UACA: variants seen among roughly 807,000 people sequenced by gnomAD.
The protein encoded by UACA is nuclear membrane binding protein.
UACA carries 112 observed loss-of-function variants against 160.5 expected under a neutral mutation model. That is an observed-to-expected ratio of 0.70 (90% CI 0.60 to 0.82). UACA has a LOEUF of 0.82. Among genes scored for constraint, UACA ranks in the 40% least tolerant of loss-of-function variants. The probability of loss-of-function intolerance (pLI) is 0.00; values close to 1 mark genes in which losing one functional copy is unlikely to be tolerated. For synonymous variants in UACA, 557 were observed against 568.4 expected, an observed-to-expected ratio of 0.98 and a Z score of 0.29; for missense variants, 1,574 against 1,614.6, an observed-to-expected ratio of 0.97 and a Z score of 0.43.
chr15:70,748,686 TC>T (rs1873427455), intron 1 of UACA, among the ~76,000 whole-genome samples: 1 of 152,176 alleles, frequency 6.6e-6, no homozygotes. Context: ...GAGATGCTCA[TC>T]ATAGAAATGC....
chr15:70,705,895 G>A (rs1160202113), intron 1 of UACA, among the ~76,000 whole-genome samples: 1 of 152,092 alleles, frequency 6.6e-6, no homozygotes, highest in Non-Finnish European at 1.5e-5. Flanking sequence ...ATAGTAAACT[G>A]AGATTTCTGA....
chr15:70,664,530 G>A (rs1026735388), intron 17 of UACA, 132 bp downstream of exon 17: 4 of 1,130,598 alleles, frequency 3.5e-6, no homozygotes, highest in East Asian at 2.7e-5. Flanking sequence ...GTAACTTTTC[G>A]CATATAAAAA....
At chr15:70,678,915 C>T (rs1897380954) in intron 10 of UACA, among the ~76,000 whole-genome samples, 5 of 152,054 alleles carry the variant, frequency 3.3e-5, no homozygotes. Context: ...ATTTTTAATA[C>T]TATAATTTTC....
chr15:70,716,671 C>A (rs1427469928), intron 1 of UACA, among the ~76,000 whole-genome samples: 1 of 151,966 alleles, frequency 6.6e-6, no homozygotes, highest in African/African-American at 2.4e-5. Context: ...GAGCTGGGAA[C>A]AGAAATGTCT....
At position 70,678,202 on chromosome 15, in the gene UACA, A is replaced by G; in HGVS notation, c.896T>C (p.Leu299Ser). The G allele has an allele frequency of 6.2e-7, 1 of 1,601,674 alleles. No homozygotes were observed. The highest frequency in any genetic ancestry group is 8.5e-7 in the Non-Finnish European group (1 of 1,175,714). Residue 299 changes from leucine to serine, a missense_variant, in exon 11 of 19, where the codon TTG becomes TCG. Coordinates refer to ENST00000322954, the MANE Select transcript of UACA (RefSeq NM_018003.4). Reference protein sequence around the residue: ...HQREHQNIQDLEIENEDLKER... With the variant: ...HQREHQNIQDSEIENEDLKER... ...TTTCAAATCTTCATTTTCAATCTCC[A>G]AATCCTTAAATAATAAAGACAACAA...
intron 18 of UACA, among the ~76,000 whole-genome samples, chr15:70,659,395 G>GTTTTTTTTTTTTTTTGTT (rs1896608707): frequency 5.3e-5 from 1 of 18,818 alleles, no homozygotes. Flanking sequence ...TTTTTTGTTT[G>GTTTTTTTTTTTTTTTGTT]TTTTTTTTTT....
chr15:70,679,874 T>A (rs925994241), intron 9 of UACA, 198 bp from the exon 10 acceptor site: 2 of 315,006 alleles, frequency 6.3e-6, no homozygotes, highest in Admixed American at 9.8e-5. Context: ...ATAAATCAAG[T>A]ATAACTTATT....
intron 1 of UACA, among the ~76,000 whole-genome samples, chr15:70,749,698 CAAAAAAAAAAAAA>C (rs11292883): frequency 2.9e-5 from 2 of 70,056 alleles, no homozygotes; most frequent in Admixed American, 3.7e-4. Context: ...GACTCCGTCT[CAAAAAAAAAAAAA>C]AAAAAAAAAA....
intron 8 of UACA, among the ~76,000 whole-genome samples, chr15:70,683,094 AC>A (rs1897570727): frequency 6.6e-6 from 1 of 152,020 alleles, no homozygotes. Context: ...GGTGGCTCAC[AC>A]CTGTAATCCC....
chr15:70,771,654 A>G, the UACA span, among the ~76,000 whole-genome samples: 1 of 152,220 alleles, frequency 6.6e-6, no homozygotes, highest in Non-Finnish European at 1.5e-5. Flanking sequence ...AAAAAGGGTA[A>G]TGTGCTAGAG....
At chr15:70,662,198 G>A (rs192965686) in intron 17 of UACA, among the ~76,000 whole-genome samples, 5,811 of 152,224 alleles carry the variant, frequency 0.038, 177 homozygotes, top group Non-Finnish European at 0.061. Flanking sequence ...AAAATCACAA[G>A]CATTCTTATA....
At chr15:70,696,876 C>T (rs2140961170) in intron 2 of UACA, among the ~76,000 whole-genome samples, 1 of 152,014 alleles carries the variant, frequency 6.6e-6, no homozygotes, top group Middle Eastern at 3.4e-3. Flanking sequence ...CAAAAGAGGT[C>T]AACATTATAA....
chr15:70,729,872 G>C (rs1899267670), intron 1 of UACA, among the ~76,000 whole-genome samples: 1 of 118,604 alleles, frequency 8.4e-6, no homozygotes. Flanking sequence ...GCACCCCCCA[G>C]CAGGGGCACA....
intron 15 of UACA, among the ~76,000 whole-genome samples, 154 bp downstream of exon 15, chr15:70,670,885 A>C (rs1387167343): frequency 2.0e-5 from 3 of 152,118 alleles, no homozygotes; most frequent in Non-Finnish European, 4.4e-5. Flanking sequence ...GTTTTTATTA[A>C]ACTCAAGAAA....
intron 15 of UACA, among the ~76,000 whole-genome samples, chr15:70,669,923 T>G (rs1897077513): frequency 6.6e-6 from 1 of 152,210 alleles, no homozygotes; most frequent in African/African-American, 2.4e-5. Flanking sequence ...TGCAGATAAT[T>G]TCATAGAATT....
intron 1 of UACA, among the ~76,000 whole-genome samples, chr15:70,753,734 A>G (rs2030231518): frequency 6.6e-6 from 1 of 152,144 alleles, no homozygotes; most frequent in Non-Finnish European, 1.5e-5. Context: ...TTTCTAAGTA[A>G]CTCACTAGCA....
chr15:70,741,019 A>G (rs1899517947), intron 1 of UACA, among the ~76,000 whole-genome samples: 1 of 152,106 alleles, frequency 6.6e-6, no homozygotes, highest in African/African-American at 2.4e-5. Context: ...AGCCTGGGCA[A>G]AAGTGCTCAA....
chr15:70,684,836 TAA>T (rs1180342395), intron 7 of UACA, among the ~76,000 whole-genome samples: 1 of 152,198 alleles, frequency 6.6e-6, no homozygotes, highest in East Asian at 1.9e-4. Flanking sequence ...ATTGCATTTA[TAA>T]AAACATTTGC....
chr15:70,660,281 G>A (rs1896660432), intron 17 of UACA, 65 bp from the exon 18 acceptor site: 6 of 1,353,458 alleles, frequency 4.4e-6, no homozygotes, highest in Non-Finnish European at 6.3e-6. Flanking sequence ...TTTGGACAAT[G>A]CTCAGGCTTC....
Sources: allele counts gnomAD v4.1 joint callset (sites outside exome capture counted in the v4.1 genomes callset), GRCh38; gene constraint gnomAD v4.1.1; transcripts MANE v1.5; gene names NCBI Gene and HGNC (gene_info 2026-07-23, HGNC 2026-07-21).